The following CTNNA3 variants were observed in gnomAD, a reference collection of about 807,000 sequenced individuals.
The protein encoded by CTNNA3 is catenin alpha 3.
A neutral mutation model predicts 95.7 loss-of-function variants in CTNNA3; 76 were observed. The ratio of observed to expected loss-of-function variants is 0.79; its 90% CI spans 0.66 to 0.96. The LOEUF is 0.96. Among genes scored for constraint, CTNNA3 ranks in the 40% least tolerant of loss-of-function variants. The pLI is 0.00. For synonymous variants in CTNNA3, 431 were observed against 374.4 expected, an observed-to-expected ratio of 1.15 and a Z score of -1.74; for missense variants, 1,191 against 1,089.8, an observed-to-expected ratio of 1.09 and a Z score of -1.31.
At chr10:67,012,485 T>C (rs541385160) in intron 7 of CTNNA3, 1 of 152,356 alleles carries the variant, frequency 6.6e-6, no homozygotes, top group South Asian at 2.1e-4. Flanking sequence ...TTTATGATTT[T>C]AGAATGATGA....
rs368507937 is a variant in CTNNA3, at chr10:67,412,945, A to T, written c.579+108897T>A. Among the ~76,000 whole-genome samples, 267 of 152,246 alleles carry T rather than the reference A, an allele frequency of 1.8e-3. 5 individuals carry two copies. The South Asian group carries it at 0.05, about 29-fold the overall frequency. ...CTCACAGGCACTATAAAGCAACTAC[A>T]CAAGAACCAGCTAACAATACAATGA... On this transcript the variant is annotated intron_variant, in intron 5 of 17. Transcript: ENST00000433211.
At position 67,744,999 on chromosome 10, in the gene CTNNA3, T is replaced by G. The variant is rs369057848; in HGVS notation, c.-2+18435A>C. On this transcript the variant is annotated intron_variant, in intron 1 of 17. Transcript: ENST00000684154. ...AGTTAGAATGGTGATCATTAAAAAG[T>G]CAGGAAACAACAGGTGCTGGAGAGG... 0.033 allele frequency among the ~76,000 whole-genome samples: 4,967 copies of G among 151,842 alleles called. 568 individuals carry two copies. The East Asian group carries it at 0.43, about 13-fold the overall frequency.
intron 14 of CTNNA3, among the ~76,000 whole-genome samples, chr10:66,071,109 G>T (rs182795132): frequency 1.3e-5 from 2 of 152,202 alleles, no homozygotes; most frequent in Admixed American, 1.3e-4. Context: ...AGACTTAAGA[G>T]AATACTTGAT....
At chr10:66,165,496 CAAAAG>C (rs1186931551) in intron 13 of CTNNA3, among the ~76,000 whole-genome samples, 1 of 151,940 alleles carries the variant, frequency 6.6e-6, no homozygotes, top group Non-Finnish European at 1.5e-5. Context: ...TTATAAAAAA[CAAAAG>C]AAAATAGTAT....
At chr10:66,149,699 G>A (rs2084088796) in intron 13 of CTNNA3, among the ~76,000 whole-genome samples, 1 of 151,828 alleles carries the variant, frequency 6.6e-6, no homozygotes, top group South Asian at 2.1e-4. Flanking sequence ...TTAATCATAA[G>A]TAAAATTAGT....
intron 7 of CTNNA3, among the ~76,000 whole-genome samples, chr10:67,179,753 GGAGTTC>G (rs1862421440): frequency 6.6e-6 from 1 of 152,082 alleles, no homozygotes; most frequent in African/African-American, 2.4e-5. Context: ...TATGAGCCCA[GGAGTTC>G]GAGGCTGCCA....
chr10:67,284,525 C>T (rs918493236), intron 5 of CTNNA3, among the ~76,000 whole-genome samples: 3 of 151,892 alleles, frequency 2.0e-5, no homozygotes, highest in Admixed American at 6.6e-5. Context: ...GTACTTACAG[C>T]GAGTAAGTAA....
Position 67,673,470 on chromosome 10 carries a change from C to T in CTNNA3, c.-6+22530G>A, listed in dbSNP as rs141572340. Among the ~76,000 whole-genome samples the T allele has an allele frequency of 8.8e-3, 1,331 of 152,038 alleles. 17 individuals carry two copies. Among genetic ancestry groups the T allele is most frequent in the African/African-American group, 0.031 (1,280 of 41,456 alleles). ...CAAAGGGAATGCTTCCAGTGTTTGC[C>T]CATTCGGTATGATATTGGCTGTGGG... is the stretch of plus-strand genomic sequence containing the variant. On this transcript the variant is annotated intron_variant, in intron 1 of 17. Transcript: ENST00000433211.
intron 7 of CTNNA3, among the ~76,000 whole-genome samples, chr10:67,064,547 A>G (rs754657542): frequency 6.6e-6 from 1 of 152,204 alleles, no homozygotes; most frequent in East Asian, 1.9e-4. Context: ...TATAACATTT[A>G]TAATTAGAAC....
intron 7 of CTNNA3, among the ~76,000 whole-genome samples, chr10:66,999,920 G>A (rs1290711299): frequency 6.6e-6 from 1 of 152,140 alleles, no homozygotes; most frequent in Non-Finnish European, 1.5e-5. Context: ...CTGATTTGTT[G>A]TGTTGGCTTT....
At chr10:66,861,335 C>T (rs1843916673) in intron 7 of CTNNA3, among the ~76,000 whole-genome samples, 1 of 152,128 alleles carries the variant, frequency 6.6e-6, no homozygotes, top group Non-Finnish European at 1.5e-5. Context: ...CCCATGTCTG[C>T]ATGTGTTTTC....
intron 7 of CTNNA3, among the ~76,000 whole-genome samples, chr10:67,080,167 AAG>A (rs1460394093): frequency 6.6e-6 from 1 of 152,182 alleles, no homozygotes; most frequent in East Asian, 1.9e-4. Context: ...CTTCTCAAGA[AAG>A]AAAATTATTC....
At chr10:66,210,231 T>A (rs1389323695) in intron 13 of CTNNA3, among the ~76,000 whole-genome samples, 1 of 151,502 alleles carries the variant, frequency 6.6e-6, no homozygotes, top group East Asian at 1.9e-4. Context: ...GGCTTAGGTA[T>A]GCCAAGAAGC....
rs149484518 is a variant in CTNNA3, at chr10:66,304,660, C to T, written c.1733-24039G>A. Among the ~76,000 whole-genome samples the T allele has an allele frequency of 2.1e-3, 319 of 152,150 alleles. 2 individuals carry two copies. Among genetic ancestry groups the T allele is most frequent in the African/African-American group, 6.8e-3 (281 of 41,526 alleles). On this transcript the variant is annotated intron_variant, in intron 12 of 17. Coordinates refer to ENST00000433211, the MANE Select transcript of CTNNA3 (RefSeq NM_013266.4). Reference sequence around the variant, plus strand: ...ATTAAAAAAATAAAATTTGATCCTACAATACAACAATATAATACTCAAGAG... The same window carrying T: ...ATTAAAAAAATAAAATTTGATCCTATAATACAACAATATAATACTCAAGAG...
intron 5 of CTNNA3, among the ~76,000 whole-genome samples, chr10:67,265,495 A>C (rs1589105996): frequency 1.3e-5 from 2 of 152,204 alleles, no homozygotes; most frequent in Non-Finnish European, 1.5e-5. Flanking sequence ...AAGGGGAATA[A>C]AGATAAGAGA....
chr10:66,238,597 G>A (rs1756164286), intron 13 of CTNNA3, among the ~76,000 whole-genome samples: 1 of 151,812 alleles, frequency 6.6e-6, no homozygotes, highest in Non-Finnish European at 1.5e-5. Context: ...GAGGGTATGG[G>A]TGGCAGACTT....
At chr10:66,324,466 C>T (rs910598105) in intron 12 of CTNNA3, among the ~76,000 whole-genome samples, 1 of 152,176 alleles carries the variant, frequency 6.6e-6, no homozygotes, top group Non-Finnish European at 1.5e-5. Flanking sequence ...AGAGAGTCCA[C>T]TGAACTGGTT....
In CTNNA3 at chr10:66,318,495, C is replaced by A. The variant is rs2092135223; in HGVS notation, c.1733-37874G>T. 1.3e-5 allele frequency among the ~76,000 whole-genome samples: 2 copies of A among 151,876 alleles called. 1 individual carries two copies. The highest frequency in any genetic ancestry group is 4.1e-4 in the South Asian group (2 of 4,820). ...TACTCTGGTCTTCCCTCATTTTGAT[C>A]TGATTGCTCCCAGTTCTCTGTGCAC... On this transcript the variant is annotated intron_variant, in intron 12 of 17. Transcript: ENST00000433211.
At chr10:66,041,149 C>T (rs1435845193) in intron 15 of CTNNA3, among the ~76,000 whole-genome samples, 2 of 152,124 alleles carry the variant, frequency 1.3e-5, no homozygotes, top group Non-Finnish European at 2.9e-5. Flanking sequence ...GCCAAAAATG[C>T]ATAACTTCAA....
Sources: gnomAD v4.1 joint callset for allele counts (sites outside exome capture counted in the v4.1 genomes callset) on GRCh38, gnomAD v4.1.1 for gene constraint, MANE v1.5 for transcripts, NCBI Gene and HGNC (gene_info 2026-07-23, HGNC 2026-07-21) for gene names.